MACROD2: variants seen among roughly 807,000 people sequenced by gnomAD.
MACROD2 encodes the protein mono-ADP ribosylhydrolase 2.
A neutral mutation model predicts 70.4 loss-of-function variants in MACROD2; 36 were observed. The observed-to-expected ratio is 0.51, with a 90% CI of 0.39 to 0.68. MACROD2 has a LOEUF of 0.68. Among genes scored for constraint, MACROD2 ranks in the 30% least tolerant of loss-of-function variants. The pLI is 0.00. For synonymous variants in MACROD2, 172 were observed against 178.8 expected (o/e 0.96, Z 0.30); for missense variants, 496 against 538.4 (o/e 0.92, Z 0.78).
chr20:14,113,352 A>G (rs1042172362), intron 3 of MACROD2, among the ~76,000 whole-genome samples: 3 of 152,060 alleles, frequency 2.0e-5, no homozygotes, highest in African/African-American at 7.2e-5. Flanking sequence ...TTTATGACAC[A>G]TCACATTTCT....
chr20:14,850,237 G>C (rs905318405), intron 5 of MACROD2: 1 of 225,584 alleles, frequency 4.4e-6, no homozygotes. Context: ...TCAATATATG[G>C]GTGATTAGAA....
chr20:15,540,116 G>T (rs1171926132), intron 8 of MACROD2, among the ~76,000 whole-genome samples: 1 of 152,176 alleles, frequency 6.6e-6, no homozygotes, highest in Non-Finnish European at 1.5e-5. Context: ...AAAGGTATAG[G>T]GATGACAGAG....
chr20:15,933,389 G>T, intron 11 of MACROD2, 51 bp downstream of exon 11: 2 of 1,511,214 alleles, frequency 1.3e-6, no homozygotes, highest in South Asian at 2.3e-5. Context: ...CTGCAGAGGT[G>T]AACAGTAACT....
At chr20:15,339,593 T>C (rs1452635815) in intron 6 of MACROD2, among the ~76,000 whole-genome samples, 3 of 151,898 alleles carry the variant, frequency 2.0e-5, no homozygotes, top group African/African-American at 7.3e-5. Flanking sequence ...TGCTTATCAG[T>C]GAATTTGCAA....
At chr20:15,042,585 C>T (rs1030294211) in intron 5 of MACROD2, among the ~76,000 whole-genome samples, 4 of 152,152 alleles carry the variant, frequency 2.6e-5, no homozygotes, top group South Asian at 2.1e-4. Flanking sequence ...TGGCCACTGC[C>T]GGGACAGAGC....
intron 15 of MACROD2, among the ~76,000 whole-genome samples, chr20:16,003,673 G>T (rs810208): frequency 0.97 from 146,769 of 152,016 alleles, 71,073 homozygotes; most frequent in East Asian, 1. Context: ...GAGTCAAAAT[G>T]TTGCTTTTTC....
intron 7 of MACROD2, among the ~76,000 whole-genome samples, chr20:15,491,512 A>C (rs966095028): frequency 6.6e-6 from 1 of 152,260 alleles, no homozygotes; most frequent in Non-Finnish European, 1.5e-5. Flanking sequence ...AGACAAAGAA[A>C]GGAAGCAAAT....
chr20:15,853,669 A>T (rs946026199), intron 8 of MACROD2, among the ~76,000 whole-genome samples: 5 of 152,186 alleles, frequency 3.3e-5, no homozygotes, highest in Admixed American at 3.3e-4. Context: ...TGCAACTGCA[A>T]GGAACTGAAT....
intron 5 of MACROD2, among the ~76,000 whole-genome samples, chr20:14,760,642 T>C (rs1427385563): frequency 1.3e-5 from 2 of 152,074 alleles, no homozygotes; most frequent in Non-Finnish European, 2.9e-5. Flanking sequence ...GGCCTTTTGG[T>C]TCTTTTTAAC....
intron 7 of MACROD2, among the ~76,000 whole-genome samples, chr20:15,439,843 C>T (rs2046473354): frequency 6.6e-6 from 1 of 152,130 alleles, no homozygotes; most frequent in Admixed American, 6.6e-5. Flanking sequence ...CCAAAGAAAG[C>T]CCTGTGCTAC....
At chr20:15,579,487 G>A (rs1202012655) in intron 8 of MACROD2, among the ~76,000 whole-genome samples, 1 of 152,132 alleles carries the variant, frequency 6.6e-6, no homozygotes, top group Non-Finnish European at 1.5e-5. Context: ...AATGAAATGA[G>A]CTAGGCACAG....
rs183296592 is a variant in MACROD2, at chr20:14,680,907, C to T, written c.302-3936C>T. Reference sequence around the variant, plus strand: ...AATGAAAAAAATGAAATATTTGAAACTTTAAAAAGTGAAATGGAATTAATA... The same window carrying T: ...AATGAAAAAAATGAAATATTTGAAATTTTAAAAAGTGAAATGGAATTAATA... On this transcript the variant is annotated intron_variant, in intron 4 of 17. Transcript: ENST00000684519. 4.6e-3 allele frequency among the ~76,000 whole-genome samples: 697 copies of T among 152,088 alleles called. 3 individuals are homozygous for T. The highest frequency in any genetic ancestry group is 0.016 in the African/African-American group (675 of 41,492).
intron 5 of MACROD2, among the ~76,000 whole-genome samples, chr20:15,210,480 C>T (rs1322688700): frequency 2.6e-5 from 4 of 151,960 alleles, no homozygotes; most frequent in Non-Finnish European, 5.9e-5. Context: ...AGCAGCCATC[C>T]ACCATCTACT....
chr20:14,707,807 T>G (rs1471986800), intron 5 of MACROD2, among the ~76,000 whole-genome samples: 1 of 152,208 alleles, frequency 6.6e-6, no homozygotes, highest in Non-Finnish European at 1.5e-5. Flanking sequence ...ATTTTAGTAG[T>G]TCATACTGAC....
At chr20:15,874,779 C>A (rs2064644269) in intron 9 of MACROD2, among the ~76,000 whole-genome samples, 1 of 152,260 alleles carries the variant, frequency 6.6e-6, no homozygotes, top group East Asian at 1.9e-4. Context: ...TGTCTACAAT[C>A]TAAACCCCAG....
chr20:15,270,224 A>C (rs757920105), intron 6 of MACROD2, among the ~76,000 whole-genome samples: 1 of 151,702 alleles, frequency 6.6e-6, no homozygotes. Context: ...CCCAAGCTAG[A>C]AAAAACCCAA....
chr20:15,427,945 G>A (rs2046320044), intron 6 of MACROD2, among the ~76,000 whole-genome samples: 1 of 152,148 alleles, frequency 6.6e-6, no homozygotes, highest in Admixed American at 6.5e-5. Flanking sequence ...TATCTAGCTG[G>A]TAGCATCCAG....
chr20:15,480,337 C>A (rs1326891448), intron 7 of MACROD2, among the ~76,000 whole-genome samples: 1 of 152,200 alleles, frequency 6.6e-6, no homozygotes, highest in Non-Finnish European at 1.5e-5. Context: ...GTCTGTGCCT[C>A]ATAACCATAG....
At chr20:14,337,945 G>T (rs1404834089) in intron 3 of MACROD2, among the ~76,000 whole-genome samples, 1 of 152,074 alleles carries the variant, frequency 6.6e-6, no homozygotes, top group African/African-American at 2.4e-5. Context: ...AAAAAGACAG[G>T]CTTTGTCTTA....
Sources: gnomAD v4.1 joint callset for allele counts (sites outside exome capture counted in the v4.1 genomes callset) on GRCh38, gnomAD v4.1.1 for gene constraint, MANE v1.5 for transcripts, NCBI Gene and HGNC (gene_info 2026-07-23, HGNC 2026-07-21) for gene names.